The following MATN2 variants were observed in gnomAD, a reference collection of about 807,000 sequenced individuals.
MATN2 encodes the protein matrilin 2.
In MATN2, 69 loss-of-function variants were observed where a neutral mutation model predicts 103.2. The ratio of observed to expected loss-of-function variants is 0.67; its 90% CI spans 0.55 to 0.82. The LOEUF (loss-of-function observed/expected upper bound fraction) is 0.82. MATN2 is among the 40% of genes least tolerant of loss of function. The pLI is 0.00. For synonymous variants in MATN2, 429 were observed against 450.2 expected, an observed-to-expected ratio of 0.95 and a Z score of 0.60; for missense variants, 1,023 against 1,211.5, an observed-to-expected ratio of 0.84 and a Z score of 2.31.
At chr8:97,909,507 C>A (rs1657371281) in intron 2 of MATN2, among the ~76,000 whole-genome samples, 1 of 152,134 alleles carries the variant, frequency 6.6e-6, no homozygotes, top group African/African-American at 2.4e-5. Context: ...CGGGGGAAGG[C>A]CTCAGTGAGA....
rs555465297 is a variant in MATN2 at position 97,992,967 on chromosome 8, T to C, written c.1082-1513T>C. 1.5e-4 allele frequency among the ~76,000 whole-genome samples: 22 copies of C among 145,888 alleles called. No individual in the cohort carries two copies. The East Asian group carries it at 4.1e-3, about 27-fold the overall frequency. On this transcript the variant is annotated intron_variant, in intron 6 of 18. Coordinates refer to ENST00000254898, the MANE Select transcript of MATN2 (RefSeq NM_002380.5). ...ATAATAATAATAATAATAACAACAA[T>C]ACAATGTCTGGGGTTTGCTTCAAAG...
chr8:98,023,032 G>T (rs978337485), intron 13 of MATN2, among the ~76,000 whole-genome samples: 2 of 152,196 alleles, frequency 1.3e-5, no homozygotes, highest in Admixed American at 1.3e-4. Context: ...AGGTTGCAGT[G>T]AGCTGAGATT....
intron 6 of MATN2, among the ~76,000 whole-genome samples, chr8:97,984,226 C>T (rs116307153): frequency 0.012 from 1,755 of 152,244 alleles, 36 homozygotes; most frequent in African/African-American, 0.04. Flanking sequence ...TTCACTATAC[C>T]CCATGGTAGT....
At chr8:98,003,086 G>C (rs1812839498) in intron 7 of MATN2, among the ~76,000 whole-genome samples, 1 of 151,758 alleles carries the variant, frequency 6.6e-6, no homozygotes, top group South Asian at 2.1e-4. Flanking sequence ...TGTGTTCACT[G>C]TCCCCTCATC....
chr8:98,030,892 A>C (rs1586175838), intron 15 of MATN2, among the ~76,000 whole-genome samples: 1 of 152,014 alleles, frequency 6.6e-6, no homozygotes, highest in African/African-American at 2.4e-5. Context: ...CGAACTCCTG[A>C]CCTCAAGTGA....
chr8:97,947,230 G>A (rs1279050032), intron 4 of MATN2, among the ~76,000 whole-genome samples: 1 of 152,128 alleles, frequency 6.6e-6, no homozygotes, highest in Non-Finnish European at 1.5e-5. Flanking sequence ...AAATTACCCT[G>A]GTGTGGTGGT....
intron 2 of MATN2, among the ~76,000 whole-genome samples, chr8:97,901,134 G>A (rs1586393326): frequency 6.6e-6 from 1 of 152,118 alleles, no homozygotes; most frequent in Admixed American, 6.5e-5. Flanking sequence ...ACCGAAGCAG[G>A]CCTCTCCATT....
chr8:97,985,963 TATA>T (rs1167444195), intron 6 of MATN2, among the ~76,000 whole-genome samples: 1 of 152,222 alleles, frequency 6.6e-6, no homozygotes, highest in Non-Finnish European at 1.5e-5. Flanking sequence ...GATCATGCAG[TATA>T]ATAATAAATC....
chr8:97,879,707 A>C (rs1021935174), intron 1 of MATN2, among the ~76,000 whole-genome samples: 3 of 152,236 alleles, frequency 2.0e-5, no homozygotes, highest in African/African-American at 7.2e-5. Context: ...TAGCATGACC[A>C]TGAAAGGATT....
At chr8:97,941,317 T>G (rs1014653514) in intron 3 of MATN2, among the ~76,000 whole-genome samples, 1 of 152,194 alleles carries the variant, frequency 6.6e-6, no homozygotes, top group African/African-American at 2.4e-5. Context: ...AAATTTACGT[T>G]ACTCTTGAAA....
chr8:98,011,961 G>A (rs765641925), intron 10 of MATN2, among the ~76,000 whole-genome samples: 3 of 152,178 alleles, frequency 2.0e-5, no homozygotes, highest in African/African-American at 7.2e-5. Flanking sequence ...ATCCATTCAC[G>A]ATGAGGGTTT....
chr8:97,993,498 G>A (rs1225819762), intron 6 of MATN2, among the ~76,000 whole-genome samples: 3 of 139,940 alleles, frequency 2.1e-5, no homozygotes, highest in African/African-American at 8.8e-5. Flanking sequence ...ACAAAAAAAA[G>A]AAAAAGAACA....
intron 3 of MATN2, among the ~76,000 whole-genome samples, chr8:97,938,619 C>T (rs1025369998): frequency 6.6e-6 from 1 of 152,126 alleles, no homozygotes; most frequent in Non-Finnish European, 1.5e-5. Context: ...ATGGATAAAA[C>T]AATTGGGAGG....
rs536516572 is a variant in MATN2 at position 97,984,575 on chromosome 8, T to A, written c.1081+5567T>A. ...TGAGATCCTCCTAGAAGGAGGTTTTTAAACAGCTTGCTGGGAAGAAGCCTT... is the reference window on the plus strand; with the variant it reads ...TGAGATCCTCCTAGAAGGAGGTTTTAAAACAGCTTGCTGGGAAGAAGCCTT... On this transcript the variant is annotated intron_variant, in intron 6 of 18. Coordinates refer to ENST00000254898, the MANE Select transcript of MATN2 (RefSeq NM_002380.5). Among the ~76,000 whole-genome samples the A allele has an allele frequency of 4.1e-4, 63 of 152,356 alleles. 1 individual carries two copies. Among genetic ancestry groups the A allele is most frequent in the African/African-American group, 1.3e-3 (55 of 41,586 alleles).
intron 14 of MATN2, among the ~76,000 whole-genome samples, chr8:98,030,092 T>C (rs972518128): frequency 2.6e-5 from 4 of 152,346 alleles, no homozygotes; most frequent in East Asian, 3.9e-4. Flanking sequence ...ATAAATTGAC[T>C]TGATTCTTAG....
At chr8:97,971,897 TAAAAA>T (rs5893443) in intron 5 of MATN2, among the ~76,000 whole-genome samples, 2 of 148,556 alleles carry the variant, frequency 1.3e-5, no homozygotes, top group South Asian at 4.3e-4. Context: ...TTTTGCTTAT[TAAAAA>T]AAAAAAAGTC....
chr8:97,941,256 G>A (rs766212336), intron 3 of MATN2, among the ~76,000 whole-genome samples: 11 of 151,046 alleles, frequency 7.3e-5, no homozygotes, highest in African/African-American at 1.7e-4. Context: ...AACATGAAAC[G>A]TGTGAGTGCA....
intron 6 of MATN2, among the ~76,000 whole-genome samples, chr8:97,983,430 T>G (rs1396243270): frequency 6.6e-6 from 1 of 152,126 alleles, no homozygotes; most frequent in Non-Finnish European, 1.5e-5. Context: ...CTTTTTGAGA[T>G]CTAGATTGAA....
intron 6 of MATN2, among the ~76,000 whole-genome samples, chr8:97,983,645 T>C (rs555516597): frequency 1.3e-5 from 2 of 152,330 alleles, no homozygotes; most frequent in African/African-American, 4.8e-5. Context: ...ATCTTTTGCA[T>C]GTTGCCATTT....
Sources: allele counts gnomAD v4.1 joint callset (sites outside exome capture counted in the v4.1 genomes callset), GRCh38; gene constraint gnomAD v4.1.1; transcripts MANE v1.5; gene names NCBI Gene and HGNC (gene_info 2026-07-23, HGNC 2026-07-21).